The following PAIP1 variants were observed in gnomAD, a reference collection of about 807,000 sequenced individuals.
PAIP1 encodes the protein poly(A) binding protein interacting protein 1.
A neutral mutation model predicts 61.3 loss-of-function variants in PAIP1; 16 were observed. The ratio of observed to expected loss-of-function variants is 0.26; its 90% CI spans 0.18 to 0.40. The LOEUF (loss-of-function observed/expected upper bound fraction) is 0.40. PAIP1 is among the 10% of genes least tolerant of loss of function. PAIP1 has a pLI of 1.00. For missense variants in PAIP1, 416 were observed against 600.9 expected (o/e 0.69, Z 3.22); for synonymous variants, 187 against 226.2 (o/e 0.83, Z 1.56).
At chr5:43,555,405 G>A (rs535755203) in intron 2 of PAIP1, among the ~76,000 whole-genome samples, 1 of 152,270 alleles carries the variant, frequency 6.6e-6, no homozygotes, top group South Asian at 2.1e-4. Context: ...TATTCCAACT[G>A]TGCTTTGTAC....
rs1418992449 is a variant in PAIP1, at chr5:43,556,001, T to C, written c.266-2A>G. The C allele has an allele frequency of 6.2e-7, 1 of 1,603,718 alleles. No homozygotes were observed. The highest frequency in any genetic ancestry group is 8.5e-7 in the Non-Finnish European group (1 of 1,177,112). The stretch of plus-strand genomic sequence containing the variant: ...GAGCTCTCAGGGGCCTCGTTTGCTC[T>C]GCAAAAGAAAAAAAAACGGGGCGTC... On this transcript the variant is annotated splice_acceptor_variant, in intron 1 of 10. Coordinates refer to ENST00000306846, the MANE Select transcript of PAIP1 (RefSeq NM_006451.5). LOFTEE classifies it high-confidence loss of function.
At chr5:43,529,723 C>G in intron 10 of PAIP1, 63 bp downstream of exon 10, 1 of 882,254 alleles carries the variant, frequency 1.1e-6, no homozygotes, top group Non-Finnish European at 1.9e-6. Context: ...GCTACTTTGT[C>G]TAATCTCCAC....
In PAIP1 at chr5:43,543,878, A is replaced by G. The variant is rs903538521; in HGVS notation, c.622-762T>C. Among the ~76,000 whole-genome samples the G allele has an allele frequency of 3.3e-5, 5 of 152,308 alleles. No homozygotes were observed. In the South Asian group the frequency reaches 1.0e-3, roughly 32 times the overall value. On this transcript the variant is annotated intron_variant, in intron 3 of 10. Coordinates refer to ENST00000306846, the MANE Select transcript of PAIP1 (RefSeq NM_006451.5). ...GTTAAGAAGTCGGGCACAGTGGCTC[A>G]TGCCTGTATTCCTAGTACTCTGGAA...
Position 43,556,628 on chromosome 5 carries a change from C to G in PAIP1, c.219G>C (p.Glu73Asp), listed in dbSNP as rs1748095226. ...RTTPPPGAQC[E>D]VPASPQRPSR... is the part of the protein sequence containing the mutation. ...AAGGCCGCTGGGGGCTGGCGGGGAC[C>G]TCGCACTGGGCCCCTGGCGGCGGGG... Residue 73 changes from glutamate to aspartate, a missense_variant, in exon 1 of 11, where the codon GAG becomes GAC. Physicochemically the swap from Glu to Asp is conservative, Grantham distance 45. Coordinates refer to ENST00000306846, the MANE Select transcript of PAIP1 (RefSeq NM_006451.5). The G allele has an allele frequency of 7.9e-7, 1 of 1,262,184 alleles. No individual in the cohort carries two copies. The allele number at this position is 1,262,184 out of a possible 1,614,324, so 78.2% of individuals were successfully genotyped here.
intron 9 of PAIP1, 66 bp downstream of exon 9, chr5:43,533,672 G>T: frequency 1.1e-6 from 1 of 942,836 alleles, no homozygotes; most frequent in Non-Finnish European, 1.8e-6. Context: ...GTGAGGATGT[G>T]GTTTTCTGTA....
chr5:43,528,402 TTC>T (rs1342339614), intron 10 of PAIP1, among the ~76,000 whole-genome samples: 2 of 152,172 alleles, frequency 1.3e-5, no homozygotes, highest in African/African-American at 4.8e-5. Flanking sequence ...ATGAGTCCTT[TTC>T]TGTTTCTTCC....
chr5:43,555,782 T>C (rs1247371644), intron 2 of PAIP1, 48 bp downstream of exon 2: 1 of 1,477,740 alleles, frequency 6.8e-7, no homozygotes, highest in Non-Finnish European at 9.2e-7. Context: ...AACAACCACA[T>C]TATTCCAGTA....
At chr5:43,531,117 T>C (rs1453391903) in intron 9 of PAIP1, among the ~76,000 whole-genome samples, 1 of 152,046 alleles carries the variant, frequency 6.6e-6, no homozygotes, top group African/African-American at 2.4e-5. Context: ...ACAGAGCACT[T>C]TGTAGAAATT....
At chr5:43,549,601 T>C (rs1404158412) in intron 2 of PAIP1, among the ~76,000 whole-genome samples, 1 of 152,180 alleles carries the variant, frequency 6.6e-6, no homozygotes, top group Non-Finnish European at 1.5e-5. Flanking sequence ...TTAAATCTCT[T>C]TTTCTTCCCA....
chr5:43,529,240 AAATAC>A (rs1312431589), intron 10 of PAIP1, among the ~76,000 whole-genome samples: 1 of 152,126 alleles, frequency 6.6e-6, no homozygotes, highest in Non-Finnish European at 1.5e-5. Flanking sequence ...CTTAAAGTCT[AAATAC>A]AATAGAATCT....
chr5:43,549,653 T>C (rs1201229563), intron 2 of PAIP1, among the ~76,000 whole-genome samples: 1 of 152,206 alleles, frequency 6.6e-6, no homozygotes, highest in East Asian at 1.9e-4. Flanking sequence ...AATGGACCAC[T>C]ATAGTGCTAC....
At chr5:43,538,749 G>T (rs1747258680) in intron 5 of PAIP1, among the ~76,000 whole-genome samples, 175 bp downstream of exon 5, 1 of 152,162 alleles carries the variant, frequency 6.6e-6, no homozygotes, top group African/African-American at 2.4e-5. Flanking sequence ...TAAATGTTAT[G>T]GACAGACGGT....
intron 3 of PAIP1, among the ~76,000 whole-genome samples, chr5:43,545,350 C>T (rs1467488460): frequency 1.3e-5 from 2 of 152,212 alleles, no homozygotes; most frequent in Non-Finnish European, 2.9e-5. Context: ...AGTTCCTTTT[C>T]CTGGTTCCCA....
At chr5:43,548,616 C>A (rs756435114) in intron 2 of PAIP1, among the ~76,000 whole-genome samples, 3 of 152,114 alleles carry the variant, frequency 2.0e-5, no homozygotes, top group Non-Finnish European at 2.9e-5. Context: ...AGTTTCCAAC[C>A]TTTTCATTAA....
chr5:43,543,863 C>T (rs566822599), intron 3 of PAIP1, among the ~76,000 whole-genome samples: 4 of 152,208 alleles, frequency 2.6e-5, no homozygotes, highest in South Asian at 2.1e-4. Context: ...GTTAAGAAGT[C>T]GGGCACAGTG....
chr5:43,528,902 G>A (rs569101673), intron 10 of PAIP1, among the ~76,000 whole-genome samples: 1 of 152,280 alleles, frequency 6.6e-6, no homozygotes, highest in East Asian at 1.9e-4. Flanking sequence ...AGTGCACTCT[G>A]ATGGTAAGTG....
At chr5:43,556,343 C>G (rs900642951) in intron 1 of PAIP1, 10 of 1,235,296 alleles carry the variant, frequency 8.1e-6, no homozygotes, top group Admixed American at 4.2e-5. Flanking sequence ...CCCGGGACCC[C>G]GAACTCCGAG....
intron 1 of PAIP1, chr5:43,556,277 T>C (rs1445265853): frequency 3.1e-6 from 4 of 1,270,790 alleles, no homozygotes; most frequent in Non-Finnish European, 4.0e-6. Flanking sequence ...AAGAGGTGGT[T>C]ACTCGCTAGG....
chr5:43,545,622 T>C (rs147682907), intron 3 of PAIP1, among the ~76,000 whole-genome samples: 340 of 152,310 alleles, frequency 2.2e-3, no homozygotes, highest in African/African-American at 7.8e-3. Context: ...CCAAATCAGG[T>C]ACCACTCACC....
Sources: allele counts gnomAD v4.1 joint callset (sites outside exome capture counted in the v4.1 genomes callset), GRCh38; gene constraint gnomAD v4.1.1; transcripts MANE v1.5; gene names NCBI Gene and HGNC (gene_info 2026-07-23, HGNC 2026-07-21).